The following TAPT1 variants were observed in gnomAD, a reference collection of about 807,000 sequenced individuals.
TAPT1 encodes transmembrane anterior posterior transformation 1, also known as transmembrane anterior posterior transformation protein 1 homolog.
In TAPT1, 28 loss-of-function variants were observed where a neutral mutation model predicts 65.6. The ratio of observed to expected loss-of-function variants is 0.43; its 90% CI spans 0.32 to 0.59. The LOEUF is 0.59. TAPT1 is among the 20% of genes least tolerant of loss of function. The pLI, the probability that TAPT1 is intolerant of heterozygous loss-of-function variation, is 0.09. For missense variants in TAPT1, 563 were observed against 679.9 expected (o/e 0.83, Z 1.91); for synonymous variants, 278 against 245.2 (o/e 1.13, Z -1.25).
chr4:16,193,736 C>T (rs957037039), intron 3 of TAPT1, among the ~76,000 whole-genome samples: 2 of 152,168 alleles, frequency 1.3e-5, no homozygotes, highest in African/African-American at 4.8e-5. Flanking sequence ...CAGCAGGGAA[C>T]AAACGTGAGC....
At chr4:16,226,553 A>AGCCGCC (rs551534255), upstream of TAPT1, 26,500 of 742,098 alleles carry the variant, frequency 0.036, 791 homozygotes, top group South Asian at 0.082. Context: ...CCGGAGCCCG[A>AGCCGCC]GCCGCCGCCG....
chr4:16,196,200 C>T (rs949182010), intron 3 of TAPT1, among the ~76,000 whole-genome samples: 8 of 152,102 alleles, frequency 5.3e-5, no homozygotes, highest in African/African-American at 2.4e-5. Context: ...TTCAGTTTGA[C>T]TCATATGTAA....
At chr4:16,214,923 TC>T (rs553995401) in intron 1 of TAPT1, among the ~76,000 whole-genome samples, 215 of 152,324 alleles carry the variant, frequency 1.4e-3, no homozygotes, top group African/African-American at 5.0e-3. Flanking sequence ...TTTATGCAGA[TC>T]TACTTAAGGA....
In TAPT1 at chr4:16,226,401, G is replaced by T; in HGVS notation, c.57C>A (p.Asp19Glu). 1 of 1,093,236 alleles carries T rather than the reference G, an allele frequency of 9.1e-7. No homozygotes were observed. The highest frequency in any genetic ancestry group is 1.1e-6 in the Non-Finnish European group (1 of 900,630). The allele number at this position is 1,093,236 out of a possible 1,614,324, so 67.7% of individuals were successfully genotyped here. The change falls in exon 1 of 14, where the codon GAC (aspartate) becomes GAA (glutamate). Residue 19 changes from aspartate (D) to glutamate (E), a missense_variant. By Grantham distance (45) the Asp-to-Glu change is conservative. Transcript: ENST00000405303. Reference sequence around the variant, plus strand: ...CGCCGCGGCCGTCCCGCTGCGGGCCGTCCACGCCGCCACCGCCGCCTTCTC... The same window carrying T: ...CGCCGCGGCCGTCCCGCTGCGGGCCTTCCACGCCGCCACCGCCGCCTTCTC... ...APGEGGGGGV[D>E]GPQRDGRGEA...
chr4:16,168,959 G>C (rs561890236), intron 12 of TAPT1, among the ~76,000 whole-genome samples: 65 of 152,190 alleles, frequency 4.3e-4, no homozygotes, highest in Non-Finnish European at 7.3e-4. Flanking sequence ...GGAAAGTTCA[G>C]CATTGTATGT....
At chr4:16,179,525 T>C (rs1748576138) in intron 8 of TAPT1, 52 bp downstream of exon 8, 4 of 1,121,028 alleles carry the variant, frequency 3.6e-6, no homozygotes, top group Non-Finnish European at 3.7e-6. Context: ...AAAAGAATGA[T>C]TTTGGCTTAG....
At chr4:16,182,681 A>G (rs1748776992) in intron 7 of TAPT1, among the ~76,000 whole-genome samples, 1 of 152,328 alleles carries the variant, frequency 6.6e-6, no homozygotes, top group Middle Eastern at 3.4e-3. Flanking sequence ...CACAGTTCAC[A>G]TTACCAATGC....
In TAPT1 at chr4:16,161,199, A is replaced by G. The variant is rs917046495; in HGVS notation, c.*2109T>C. On this transcript the variant is annotated 3_prime_UTR_variant, in exon 14 of 14. Transcript: ENST00000405303. ...CAATAATTCAAATTAAGATAGCTCT[A>G]TCACTTGTGAATTACAAATAAATAC... The G allele has an allele frequency of 6.5e-6, 1 of 152,688 alleles. No homozygotes were observed. Among genetic ancestry groups the G allele is most frequent in the African/African-American group, 2.4e-5 (1 of 41,458 alleles). 9.5% of individuals were successfully genotyped at this position (152,688 alleles called of 1,614,324 possible). A position where few individuals can be genotyped will look rare whatever the true frequency, so the allele number is the denominator to read the frequency against.
intron 2 of TAPT1, among the ~76,000 whole-genome samples, chr4:16,205,105 T>TG (rs141365396): frequency 0.053 from 8,045 of 152,260 alleles, 238 homozygotes; most frequent in Middle Eastern, 0.14. Context: ...CCTCTTTCTG[T>TG]GGGGAATGAA....
At chr4:16,182,388 T>C (rs1364010246) in intron 7 of TAPT1, among the ~76,000 whole-genome samples, 1 of 152,228 alleles carries the variant, frequency 6.6e-6, no homozygotes, top group Non-Finnish European at 1.5e-5. Context: ...AAAATTAAAA[T>C]TTCTAGGAAT....
At chr4:16,208,077 A>G (rs1420964237) in intron 2 of TAPT1, among the ~76,000 whole-genome samples, 1 of 152,230 alleles carries the variant, frequency 6.6e-6, no homozygotes, top group African/African-American at 2.4e-5. Context: ...CACAACATAC[A>G]TCTGACATAT....
upstream of TAPT1, chr4:16,226,966 C>T: frequency 2.4e-6 from 1 of 421,580 alleles, no homozygotes; most frequent in Admixed American, 2.7e-5. Context: ...CGGCGCCGCC[C>T]GCCAGGTCTT....
At chr4:16,172,065 G>C (rs920934052) in intron 11 of TAPT1, among the ~76,000 whole-genome samples, 1 of 152,112 alleles carries the variant, frequency 6.6e-6, no homozygotes, top group African/African-American at 2.4e-5. Context: ...TGTGAGCAAA[G>C]TGCTATGGAA....
intron 3 of TAPT1, 136 bp from the exon 4 acceptor site, chr4:16,191,659 A>G (rs1313237616): frequency 2.0e-5 from 19 of 961,218 alleles, no homozygotes; most frequent in Non-Finnish European, 2.5e-5. Context: ...AACTTCAAAC[A>G]AGGGAGGTTA....
intron 2 of TAPT1, among the ~76,000 whole-genome samples, chr4:16,203,196 T>C (rs1750140339): frequency 2.0e-5 from 3 of 152,184 alleles, no homozygotes; most frequent in Admixed American, 2.0e-4. Flanking sequence ...GGTGAAGTCT[T>C]TCGAGGACTT....
chr4:16,216,068 A>C (rs571865470), intron 1 of TAPT1: 9 of 152,274 alleles, frequency 5.9e-5, no homozygotes, highest in African/African-American at 2.2e-4. Context: ...ATAATTTTTC[A>C]CTGACCTTAG....
chr4:16,226,244 C>T lies in TAPT1; in HGVS notation c.199+15G>A. On this transcript the variant is annotated intron_variant, in intron 1 of 13. Coordinates refer to ENST00000405303, the MANE Select transcript of TAPT1 (RefSeq NM_153365.3). The stretch of plus-strand genomic sequence containing the variant: ...CCCCTCGGAGCCCGCCACGGCCTAG[C>T]GCCGCCCGCCTCACCTGTGCGGCCC... The T allele has an allele frequency of 9.0e-7, 1 of 1,115,446 alleles. No individual in the cohort carries two copies. 69.1% of individuals were successfully genotyped at this position (1,115,446 alleles called of 1,614,324 possible).
At chr4:16,194,818 A>C (rs1419684384) in intron 3 of TAPT1, among the ~76,000 whole-genome samples, 1 of 151,894 alleles carries the variant, frequency 6.6e-6, no homozygotes, top group Non-Finnish European at 1.5e-5. Context: ...TATAAAGAAT[A>C]CAAGAAGCAG....
intron 2 of TAPT1, among the ~76,000 whole-genome samples, chr4:16,211,485 G>C (rs1455451724): frequency 6.6e-6 from 1 of 152,090 alleles, no homozygotes; most frequent in Non-Finnish European, 1.5e-5. Context: ...CTTGGTTTTA[G>C]AAGTTAAGAA....
Sources: gnomAD v4.1 joint callset for allele counts (sites outside exome capture counted in the v4.1 genomes callset) on GRCh38, gnomAD v4.1.1 for gene constraint, MANE v1.5 for transcripts, NCBI Gene and HGNC (gene_info 2026-07-23, HGNC 2026-07-21) for gene names.